RCAN2: variants seen among roughly 807,000 people sequenced by gnomAD.
The protein encoded by RCAN2 is regulator of calcineurin 2.
Under a neutral mutation model 23.6 loss-of-function variants are expected in RCAN2, and 9 were observed. The ratio of observed to expected loss-of-function variants is 0.38; its 90% confidence interval spans 0.23 to 0.67. The LOEUF (loss-of-function observed/expected upper bound fraction) is 0.67, where lower values mean the gene tolerates loss of function less well. Ranked by LOEUF, RCAN2 falls within the 30% of genes least tolerant of loss-of-function variation. The pLI, the probability that RCAN2 is intolerant of heterozygous loss-of-function variation, is 0.51. For missense variants in RCAN2, 273 were observed against 302.3 expected, an observed-to-expected ratio of 0.90 and a Z score of 0.72; for synonymous variants, 109 against 115.7, an observed-to-expected ratio of 0.94 and a Z score of 0.37.
chr6:46,429,959 T>C (rs1236875753), intron 2 of RCAN2, among the ~76,000 whole-genome samples: 1 of 152,144 alleles, frequency 6.6e-6, no homozygotes, highest in Non-Finnish European at 1.5e-5. Context: ...TTAGCATGGC[T>C]GGAGACAGAA....
At chr6:46,454,820 T>A (rs1334475286) in intron 2 of RCAN2, among the ~76,000 whole-genome samples, 1 of 152,160 alleles carries the variant, frequency 6.6e-6, no homozygotes, top group East Asian at 1.9e-4. Flanking sequence ...AATCAGAATA[T>A]CAAAATAGAT....
intron 2 of RCAN2, among the ~76,000 whole-genome samples, chr6:46,292,438 G>GTTT (rs374258081): frequency 4.5e-5 from 6 of 134,016 alleles, no homozygotes; most frequent in Admixed American, 7.4e-5. Flanking sequence ...TTTTTTTTTT[G>GTTT]TTTTTTTTTT....
At chr6:46,260,751 C>A (rs918033628) in intron 2 of RCAN2, among the ~76,000 whole-genome samples, 2 of 152,164 alleles carry the variant, frequency 1.3e-5, no homozygotes, top group Non-Finnish European at 2.9e-5. Flanking sequence ...CTTGCCTGCA[C>A]CAGGACACTT....
intron 2 of RCAN2, among the ~76,000 whole-genome samples, chr6:46,319,639 TC>T (rs1271410873): frequency 1.3e-5 from 2 of 152,190 alleles, no homozygotes; most frequent in Non-Finnish European, 2.9e-5. Context: ...AATCATTTCT[TC>T]CCTCTCTCTG....
intron 1 of RCAN2, among the ~76,000 whole-genome samples, chr6:46,466,831 TTGAG>T (rs1161064731): frequency 1.3e-5 from 2 of 152,198 alleles, no homozygotes; most frequent in African/African-American, 4.8e-5. Context: ...GCGACAATCA[TTGAG>T]TGCTTACTTT....
chr6:46,386,729 T>C (rs2150396278), intron 2 of RCAN2, among the ~76,000 whole-genome samples: 1 of 152,260 alleles, frequency 6.6e-6, no homozygotes, highest in South Asian at 2.1e-4. Flanking sequence ...AATGACTTTC[T>C]TCACAGAATT....
chr6:46,367,022 G>GAGATATAT (rs1423954723), intron 2 of RCAN2, among the ~76,000 whole-genome samples: 1 of 59,690 alleles, frequency 1.7e-5, no homozygotes, highest in African/African-American at 4.8e-5. Context: ...ATCTGGGATG[G>GAGATATAT]ATATATATAT....
rs1187921745 is a variant in RCAN2 at position 46,221,810 on chromosome 6, A to AGAT, written c.*1328_*1330dup. ...AAGTAATTCATTAATGTACAGGAGT[A>AGAT]GATGAGGCCTGGCACACATAGCAGA... On this transcript the variant is annotated 3_prime_UTR_variant, in exon 5 of 5. Coordinates refer to ENST00000371374, the MANE Select transcript of RCAN2 (RefSeq NM_001251974.2). 5 of 397,170 alleles carry AGAT rather than the reference A, an allele frequency of 1.3e-5. No individual in the cohort carries two copies. Among genetic ancestry groups the AGAT allele is most frequent in the Non-Finnish European group, 2.2e-5 (5 of 225,372 alleles). The allele number at this position is 397,170 out of a possible 1,614,324, so 24.6% of individuals were successfully genotyped here.
In RCAN2 at chr6:46,223,113, C is replaced by A; in HGVS notation, c.*28G>T. On this transcript the variant is annotated 3_prime_UTR_variant, in exon 5 of 5. Coordinates refer to ENST00000371374, the MANE Select transcript of RCAN2 (RefSeq NM_001251974.2). ...GGGAAAAAGCATGATAAAGAGGAGACGGCTATTATCGAGAAGGAGCAGGCA... is the reference window on the plus strand; with the variant it reads ...GGGAAAAAGCATGATAAAGAGGAGAAGGCTATTATCGAGAAGGAGCAGGCA... 6.2e-7 allele frequency: 1 copy of A among 1,609,912 alleles called. No individual in the cohort carries two copies. The highest frequency in any genetic ancestry group is 8.5e-7 in the Non-Finnish European group (1 of 1,178,590).
chr6:46,344,850 T>G (rs1405831781), intron 2 of RCAN2, among the ~76,000 whole-genome samples: 1 of 152,052 alleles, frequency 6.6e-6, no homozygotes, highest in East Asian at 1.9e-4. Flanking sequence ...GATGACAGAT[T>G]AAACTCAATC....
intron 1 of RCAN2, among the ~76,000 whole-genome samples, chr6:46,463,510 A>G (rs539233672): frequency 3.7e-4 from 56 of 152,338 alleles, no homozygotes; most frequent in African/African-American, 1.3e-3. Flanking sequence ...CAAACAGGGA[A>G]TCCAAGGAAC....
intron 3 of RCAN2, among the ~76,000 whole-genome samples, chr6:46,247,956 A>G (rs1766577244): frequency 6.6e-6 from 1 of 152,248 alleles, no homozygotes; most frequent in Admixed American, 6.5e-5. Flanking sequence ...CACATCACAC[A>G]CATTAGAATA....
In RCAN2 at chr6:46,285,679, T is replaced by C. The variant is rs975540662; in HGVS notation, c.226-36783A>G. On this transcript the variant is annotated intron_variant, in intron 2 of 4. Coordinates refer to ENST00000371374, the MANE Select transcript of RCAN2 (RefSeq NM_001251974.2). Reference sequence around the variant, plus strand: ...TATTTCTTTTTTTGGTATTGAATCATTTTATTTTTCTACCAGATCTTTGCT... The same window carrying C: ...TATTTCTTTTTTTGGTATTGAATCACTTTATTTTTCTACCAGATCTTTGCT... 2.0e-5 allele frequency among the ~76,000 whole-genome samples: 3 copies of C among 152,246 alleles called. No individual in the cohort carries two copies. In the East Asian group the frequency reaches 5.8e-4, roughly 29 times the overall value.
At chr6:46,482,475 C>T (rs969715575) in intron 1 of RCAN2, among the ~76,000 whole-genome samples, 1 of 152,074 alleles carries the variant, frequency 6.6e-6, no homozygotes, top group African/African-American at 2.4e-5. Flanking sequence ...GGCAGGAGTG[C>T]TGTTGTGGTC....
chr6:46,235,778 G>A (rs1016924589), intron 4 of RCAN2, among the ~76,000 whole-genome samples: 1 of 151,990 alleles, frequency 6.6e-6, no homozygotes, highest in African/African-American at 2.4e-5. Context: ...CACACCCCTT[G>A]TTATAACCCT....
intron 2 of RCAN2, among the ~76,000 whole-genome samples, chr6:46,418,526 T>C (rs1036501831): frequency 3.3e-5 from 5 of 151,946 alleles, no homozygotes; most frequent in Non-Finnish European, 1.5e-5. Flanking sequence ...CATTCTCGTC[T>C]GACCAGTCTC....
In RCAN2 at chr6:46,222,003, T is replaced by C; in HGVS notation, c.*1138A>G. The C allele has an allele frequency of 2.5e-6, 1 of 398,568 alleles. No homozygotes were observed. The highest frequency in any genetic ancestry group is 4.4e-6 in the Non-Finnish European group (1 of 226,008). The allele number at this position is 398,568 out of a possible 1,614,324, so 24.7% of individuals were successfully genotyped here. ...TCCCCATTTTAACATGCTCAGCTGC[T>C]GCTGCATTCTGGGGATTTAGCTTCA... On this transcript the variant is annotated 3_prime_UTR_variant, in exon 5 of 5. Transcript: ENST00000371374.
chr6:46,250,107 TAC>T (rs1766660218), intron 2 of RCAN2, among the ~76,000 whole-genome samples: 1 of 152,212 alleles, frequency 6.6e-6, no homozygotes, highest in African/African-American at 2.4e-5. Flanking sequence ...TTTAAGAGGA[TAC>T]AGAGATGAGT....
At chr6:46,365,598 T>G (rs1582144777) in intron 2 of RCAN2, among the ~76,000 whole-genome samples, 2 of 152,248 alleles carry the variant, frequency 1.3e-5, no homozygotes, top group South Asian at 4.1e-4. Context: ...CTATAAGGTA[T>G]ATGACAAAAT....
Sources: gnomAD v4.1 joint callset for allele counts (sites outside exome capture counted in the v4.1 genomes callset) on GRCh38, gnomAD v4.1.1 for gene constraint, MANE v1.5 for transcripts, NCBI Gene and HGNC (gene_info 2026-07-23, HGNC 2026-07-21) for gene names.